SGCE: variants seen among roughly 807,000 people sequenced by gnomAD.
SGCE encodes epsilon-sarcoglycan.
SGCE carries 26 observed loss-of-function variants against 57.8 expected under a neutral mutation model. The observed-to-expected ratio is 0.45, with a 90% CI of 0.33 to 0.62. The LOEUF is 0.62. Ranked by LOEUF, SGCE falls within the 20% of genes least tolerant of loss-of-function variation. The pLI is 0.02. For missense variants in SGCE, 468 were observed against 548.6 expected, an observed-to-expected ratio of 0.85 and a Z score of 1.47; for synonymous variants, 183 against 189.5, an observed-to-expected ratio of 0.97 and a Z score of 0.28.
At chr7:94,602,382 A>G (rs746237639) in intron 6 of SGCE, among the ~76,000 whole-genome samples, 19 of 152,180 alleles carry the variant, frequency 1.2e-4, no homozygotes, top group Non-Finnish European at 2.4e-4. Context: ...AAGTGTTGCA[A>G]TGTGAGTAAT....
intron 5 of SGCE, chr7:94,616,889 A>C (rs1461822599): frequency 6.6e-6 from 1 of 152,208 alleles, no homozygotes; most frequent in Non-Finnish European, 1.5e-5. Flanking sequence ...TATTTTGTAA[A>C]GGTTAAGGCT....
At chr7:94,587,070 A>C in intron 10 of SGCE, 1 of 985,030 alleles carries the variant, frequency 1.0e-6, no homozygotes, top group Non-Finnish European at 1.2e-6. Context: ...CTCAAGCAAA[A>C]TACCTGCTCC....
At chr7:94,592,629 A>C (rs1323706577) in intron 9 of SGCE, among the ~76,000 whole-genome samples, 1 of 152,174 alleles carries the variant, frequency 6.6e-6, no homozygotes, top group African/African-American at 2.4e-5. Context: ...TTCTTTAAGA[A>C]TGCAAGAGTA....
intron 6 of SGCE, among the ~76,000 whole-genome samples, chr7:94,601,847 T>A (rs963024277): frequency 2.0e-5 from 3 of 152,074 alleles, no homozygotes; most frequent in Admixed American, 1.3e-4. Flanking sequence ...TTTTGGGGGG[T>A]GAAATTTAGG....
intron 9 of SGCE, chr7:94,594,306 G>A (rs913585073): frequency 1.3e-5 from 2 of 152,032 alleles, no homozygotes; most frequent in Non-Finnish European, 2.9e-5. Context: ...TAAGACAAAT[G>A]TCTATAGGGG....
At chr7:94,598,278 T>G (rs1798709179) in intron 9 of SGCE, 1 of 180,648 alleles carries the variant, frequency 5.5e-6, no homozygotes, top group South Asian at 1.2e-4. Context: ...ATAAAATAGG[T>G]GTTTATAGTC....
Position 94,624,344 on chromosome 7 carries a change from T to C in SGCE, c.391-947A>G, listed in dbSNP as rs116724949. 4.1e-3 allele frequency: 1,622 copies of C among 397,128 alleles called. 29 individuals are homozygous for C. The highest frequency in any genetic ancestry group is 0.03 in the African/African-American group (1,463 of 48,660). 24.6% of individuals were successfully genotyped at this position (397,128 alleles called of 1,614,324 possible). ...ATCAAAGATTTTTATACATTACATG[T>C]GTCAAAAAATAAGTTGCAGTCATTG... On this transcript the variant is annotated intron_variant, in intron 3 of 10. Coordinates refer to ENST00000648936, the MANE Select transcript of SGCE (RefSeq NM_003919.3).
chr7:94,593,023 G>A (rs1468027088), intron 9 of SGCE, among the ~76,000 whole-genome samples: 2 of 151,974 alleles, frequency 1.3e-5, no homozygotes, highest in South Asian at 4.1e-4. Context: ...TTAGTCCCCT[G>A]AAACACTGTC....
At chr7:94,606,506 A>G (rs1800163828) in intron 5 of SGCE, among the ~76,000 whole-genome samples, 1 of 152,224 alleles carries the variant, frequency 6.6e-6, no homozygotes, top group Non-Finnish European at 1.5e-5. Context: ...TGCAAAGAGA[A>G]ATAGATGAAT....
rs138616225 is a variant in SGCE at position 94,628,298 on chromosome 7, A to G, written c.294T>C (p.Pro98=). ...TCCTTTGGATATATCGAAGCCATCC[A>G]GGTCGGTCTGGGTAACCCATTAAAT... ...NTNLMGYPDR[P]GWLRYIQRTP... Residue 98 remains proline, a synonymous_variant, in exon 3 of 11, where the codon CCT becomes CCC. Coordinates refer to ENST00000648936, the MANE Select transcript of SGCE (RefSeq NM_003919.3). 1.4e-5 allele frequency: 23 copies of G among 1,611,792 alleles called. No homozygotes were observed. The African/African-American group carries it at 2.0e-4, about 14-fold the overall frequency.
At chr7:94,636,371 C>T (rs945731605) in intron 1 of SGCE, among the ~76,000 whole-genome samples, 1 of 152,208 alleles carries the variant, frequency 6.6e-6, no homozygotes. Flanking sequence ...CATATGGCCT[C>T]TGCCTCCTAC....
Position 94,600,645 on chromosome 7 carries a change from C to T in SGCE, c.1037+1G>A. The T allele has an allele frequency of 6.2e-7, 1 of 1,609,164 alleles. No individual in the cohort carries two copies. Among genetic ancestry groups the T allele is most frequent in the Non-Finnish European group, 8.5e-7 (1 of 1,175,852 alleles). ...TATCTTATTAGTTTTAAAGTACTCA[C>T]ACGCCTTCCCGTCGGCAGCACATGA... On this transcript the variant is annotated splice_donor_variant, in intron 7 of 10. Coordinates refer to ENST00000648936, the MANE Select transcript of SGCE (RefSeq NM_003919.3). LOFTEE classifies it high-confidence loss of function.
At position 94,587,677 on chromosome 7, in the gene SGCE, A is replaced by C. The variant is rs1241337349; in HGVS notation, c.1297+1012T>G. The C allele has an allele frequency of 2.6e-6, 4 of 1,525,196 alleles. No individual in the cohort carries two copies. In the African/African-American group the frequency reaches 4.2e-5, roughly 16 times the overall value. The allele number at this position is 1,525,196 out of a possible 1,614,324, so 94.5% of individuals were successfully genotyped here. On this transcript the variant is annotated intron_variant, in intron 10 of 10. Transcript: ENST00000648936. ...CAATATATTGAACAGTCTTGTTGAAACATGTTAGCATTTAATTAAAGCAAG... is the reference window on the plus strand; with the variant it reads ...CAATATATTGAACAGTCTTGTTGAACCATGTTAGCATTTAATTAAAGCAAG...
At chr7:94,655,367 G>C (rs1808471565) in intron 1 of SGCE, among the ~76,000 whole-genome samples, 1 of 152,024 alleles carries the variant, frequency 6.6e-6, no homozygotes, top group Non-Finnish European at 1.5e-5. Context: ...TGACCTGAAC[G>C]CCCTGTTTAG....
In SGCE at chr7:94,645,676, C is replaced by T. The variant is rs540619355; in HGVS notation, c.109+10314G>A. On this transcript the variant is annotated intron_variant, in intron 1 of 10. Coordinates refer to ENST00000648936, the MANE Select transcript of SGCE (RefSeq NM_003919.3). ...TAATTTTTGTCCATTGGGCAAGCTA[C>T]TCAATGTTTCTGTGCCTCATCTGGA... is the stretch of plus-strand genomic sequence containing the variant. Among the ~76,000 whole-genome samples, 7 of 152,220 alleles carry T rather than the reference C, an allele frequency of 4.6e-5. No individual in the cohort carries two copies. In the South Asian group the frequency reaches 1.5e-3, roughly 32 times the overall value.
intron 6 of SGCE, among the ~76,000 whole-genome samples, chr7:94,602,388 GTAATATGTTCT>G (rs1799402951): frequency 6.6e-6 from 1 of 152,160 alleles, no homozygotes; most frequent in African/African-American, 2.4e-5. Flanking sequence ...TGCAATGTGA[GTAATATGTTCT>G]CCAGGATGCA....
chr7:94,630,615 C>G (rs1804544085), intron 1 of SGCE, among the ~76,000 whole-genome samples: 1 of 151,652 alleles, frequency 6.6e-6, no homozygotes, highest in African/African-American at 2.4e-5. Flanking sequence ...TTAAAATGAC[C>G]AATTGTTTTG....
In SGCE at chr7:94,585,254, G is replaced by T; in HGVS notation, c.*245C>A. 1 of 445,278 alleles carries T rather than the reference G, an allele frequency of 2.2e-6. No individual in the cohort carries two copies. 27.6% of individuals were successfully genotyped at this position (445,278 alleles called of 1,614,324 possible). On this transcript the variant is annotated 3_prime_UTR_variant, in exon 11 of 11. Coordinates refer to ENST00000648936, the MANE Select transcript of SGCE (RefSeq NM_003919.3). ...CTTCATTAATAATATTTATTTTAAA[G>T]ATCAACTTTTATTGTAACAAATATA...
At chr7:94,598,987 A>C in intron 8 of SGCE, 24 bp from the exon 9 acceptor site, 1 of 1,580,220 alleles carries the variant, frequency 6.3e-7, no homozygotes, top group Non-Finnish European at 8.7e-7. Flanking sequence ...AAATAAAACA[A>C]CATATATTTA....
Sources: gnomAD v4.1 joint callset for allele counts (sites outside exome capture counted in the v4.1 genomes callset) on GRCh38, gnomAD v4.1.1 for gene constraint, MANE v1.5 for transcripts, NCBI Gene and HGNC (gene_info 2026-07-23, HGNC 2026-07-21) for gene names.